RBM23: variants seen among roughly 807,000 people sequenced by gnomAD.
The protein encoded by RBM23 is RNA binding motif protein 23.
In RBM23, 53 loss-of-function variants were observed where a neutral mutation model predicts 56.2. That is an observed-to-expected ratio of 0.94 (90% CI 0.76 to 1.19). The LOEUF is 1.19. Among genes scored for constraint, RBM23 ranks in the 50% most tolerant of loss-of-function variants. The pLI is 0.00. For missense variants in RBM23, 642 were observed against 590.3 expected (o/e 1.09, Z -0.91); for synonymous variants, 197 against 198.5 (o/e 0.99, Z 0.06).
At chr14:22,905,728 G>A (rs2041420776) in intron 5 of RBM23, 69 bp from the exon 6 acceptor site, 4 of 1,192,532 alleles carry the variant, frequency 3.4e-6, no homozygotes, top group Admixed American at 3.8e-5. Context: ...CTTCCATGGT[G>A]AGAAAACCAG....
intron 1 of RBM23, 171 bp downstream of exon 1, chr14:22,918,827 TA>T (rs2139189000): frequency 6.6e-6 from 1 of 152,330 alleles, no homozygotes; most frequent in African/African-American, 2.4e-5. Flanking sequence ...GGGCTACATT[TA>T]AGTAGCTAAC....
intron 2 of RBM23, among the ~76,000 whole-genome samples, chr14:22,910,450 C>CAAAAAAAAAA (rs546748436): frequency 1.4e-5 from 1 of 71,154 alleles, no homozygotes; most frequent in Non-Finnish European, 2.4e-5. Context: ...AACTTCATCT[C>CAAAAAAAAAA]AAAAAAAAAA....
chr14:22,902,796 CCACTCTGT>C (rs1230961302), intron 10 of RBM23: 110 of 954,426 alleles, frequency 1.2e-4, no homozygotes, highest in African/African-American at 3.0e-4. Context: ...AGACGGAGTC[CCACTCTGT>C]CACTCTGTCA....
chr14:22,913,518 G>A (rs1040565837), intron 1 of RBM23, among the ~76,000 whole-genome samples: 1 of 150,830 alleles, frequency 6.6e-6, no homozygotes, highest in Non-Finnish European at 1.5e-5. Context: ...TCCCAGCACC[G>A]TGGGAGGCCA....
rs567612657 is a variant in RBM23 at position 22,918,440 on chromosome 14, C to T, written c.-11+559G>A. On this transcript the variant is annotated intron_variant, in intron 1 of 13. Coordinates refer to ENST00000359890, the MANE Select transcript of RBM23 (RefSeq NM_001077351.2). ...CCTATAGGCAACCAACTGGCACAATCTCTGCGGGAGCCAGTGTCCCAGGGC... is the reference window on the plus strand; with the variant it reads ...CCTATAGGCAACCAACTGGCACAATTTCTGCGGGAGCCAGTGTCCCAGGGC... Among the ~76,000 whole-genome samples the T allele has an allele frequency of 3.0e-3, 455 of 152,046 alleles. 1 individual carries two copies. The highest frequency in any genetic ancestry group is 6.8e-3 in the Middle Eastern group (2 of 294).
chr14:22,906,128 T>A, intron 5 of RBM23, 67 bp downstream of exon 5: 1 of 1,556,660 alleles, frequency 6.4e-7, no homozygotes, highest in Middle Eastern at 1.7e-4. Flanking sequence ...CAAGCAGGGT[T>A]CATAGTGCAT....
Position 22,901,595 on chromosome 14 carries a change from C to T in RBM23, c.*135G>A. On this transcript the variant is annotated 3_prime_UTR_variant, in exon 14 of 14. Transcript: ENST00000359890. ...CTTTTCTTGGTATCTTAAGGGTGGC[C>T]CCAATTTCCTCAGAGACAATGTCCA... is the stretch of plus-strand genomic sequence containing the variant. 7.5e-7 allele frequency: 1 copy of T among 1,333,220 alleles called. No homozygotes were observed. The highest frequency in any genetic ancestry group is 1.3e-5 in the South Asian group (1 of 77,594). 82.6% of individuals were successfully genotyped at this position (1,333,220 alleles called of 1,614,324 possible). A position where few individuals can be genotyped will look rare whatever the true frequency, so the allele number is the denominator to read the frequency against.
chr14:22,918,281 G>C (rs1305876380), intron 1 of RBM23, among the ~76,000 whole-genome samples: 1 of 152,150 alleles, frequency 6.6e-6, no homozygotes, highest in East Asian at 1.9e-4. Flanking sequence ...TGTAATCCCA[G>C]CTACTCGGGA....
In RBM23 at chr14:22,904,993, G is replaced by T. The variant is rs1351959944; in HGVS notation, c.746C>A (p.Ala249Glu). The change falls in exon 9 of 14, where the codon GCA becomes GAA. Residue 249 changes from alanine (A) to glutamate (E), a missense_variant. By Grantham distance (107) the Ala-to-Glu change is moderately radical. Coordinates refer to ENST00000359890, the MANE Select transcript of RBM23 (RefSeq NM_001077351.2). ...CTTTTGCAGGTTGTTGGCCATGGCT[G>T]CCAGTCGGTTTTTCTCTGCCTGGGG... is the stretch of plus-strand genomic sequence containing the variant. ...QASQAEKNRL[A>E]AMANNLQKGN... The T allele has an allele frequency of 1.9e-6, 3 of 1,614,214 alleles. No individual in the cohort carries two copies. The highest frequency in any genetic ancestry group is 2.5e-6 in the Non-Finnish European group (3 of 1,180,042).
intron 2 of RBM23, among the ~76,000 whole-genome samples, chr14:22,910,177 A>AAAAAAAAAC (rs1262580822): frequency 8.2e-6 from 1 of 121,442 alleles, no homozygotes; most frequent in African/African-American, 3.0e-5. Context: ...AAAAAAAAAA[A>AAAAAAAAAC]GAGGCTGGGC....
rs1555336814 is a variant in RBM23 at position 22,902,756 on chromosome 14, C to CCTTTTTTTTTT, written c.931-375_931-374insAAAAAAAAAAG. 27 of 432,480 alleles carry CCTTTTTTTTTT rather than the reference C, an allele frequency of 6.2e-5. 11 individuals are homozygous for CCTTTTTTTTTT. Among genetic ancestry groups the CCTTTTTTTTTT allele is most frequent in the African/African-American group, 1.9e-4 (6 of 31,410 alleles). 26.8% of individuals were successfully genotyped at this position (432,480 alleles called of 1,614,324 possible). ...GTTCTCTATCCTAGTAAGTTTTAGT[C>CCTTTTTTTTTT]TTTTTTTTTTTTTTTTTTTTTTTTT... On this transcript the variant is annotated intron_variant, in intron 10 of 13. Transcript: ENST00000359890.
chr14:22,898,229 T>C lies in RBM23; in HGVS notation c.*3501A>G, dbSNP rs2040279446. 1 of 152,252 alleles carries C rather than the reference T, an allele frequency of 6.6e-6. No homozygotes were observed. Among genetic ancestry groups the C allele is most frequent in the African/African-American group, 2.4e-5 (1 of 41,452 alleles). 9.4% of individuals were successfully genotyped at this position (152,252 alleles called of 1,614,324 possible). ...TGGGAGTCTGAGGAAGCAGGCAGAA[T>C]TCCTGTGTCAAGAGCACAGCAGTTT... On this transcript the variant is annotated 3_prime_UTR_variant, in exon 14 of 14. Coordinates refer to ENST00000359890, the MANE Select transcript of RBM23 (RefSeq NM_001077351.2).
At chr14:22,912,021 G>A (rs1286962657) in intron 1 of RBM23, 1 of 152,216 alleles carries the variant, frequency 6.6e-6, no homozygotes. Flanking sequence ...CACTGATCCT[G>A]TTCTATGAAG....
chr14:22,917,551 TTTTTC>T (rs1409425161), intron 1 of RBM23: 1 of 104,392 alleles, frequency 9.6e-6, no homozygotes, highest in African/African-American at 2.9e-5. Context: ...GGCTGGTAGT[TTTTTC>T]TTTTTTCTTC....
intron 10 of RBM23, chr14:22,902,624 A>C: frequency 2.4e-6 from 3 of 1,226,510 alleles, no homozygotes; most frequent in African/African-American, 1.5e-5. Context: ...GAATCTAACA[A>C]TGCAAAATTT....
chr14:22,903,476 G>T, intron 10 of RBM23: 1 of 985,664 alleles, frequency 1.0e-6, no homozygotes, highest in South Asian at 4.7e-5. Context: ...AGCATTACCT[G>T]CCTTAGGGCC....
Position 22,905,649 on chromosome 14 carries a change from C to T in RBM23, c.412G>A (p.Gly138Arg). The T allele has an allele frequency of 6.2e-7, 1 of 1,608,200 alleles. No individual in the cohort carries two copies. Among genetic ancestry groups the T allele is most frequent in the South Asian group, 1.1e-5 (1 of 90,916 alleles). The change falls in exon 6 of 14, where the codon GGA becomes AGA. Residue 138 changes from glycine to arginine, a missense_variant. By Grantham distance (125) the Gly-to-Arg change is moderately radical (BLOSUM62 -2). Transcript: ENST00000359890. ...SPPLATGYRY[G>R]HSKSPHFREK... ...CTGAAATGAGGACTCTTACTGTGTC[C>T]ATACCTATAACTAAAGAATAGAGAA...
At position 22,897,700 on chromosome 14, in the gene RBM23, G is replaced by A. The variant is rs570128169; in HGVS notation, c.*4030C>T. 5.3e-5 allele frequency: 8 copies of A among 152,340 alleles called. No homozygotes were observed. The East Asian group carries it at 1.5e-3, about 29-fold the overall frequency. The allele number at this position is 152,340 out of a possible 1,614,324, so 9.4% of individuals were successfully genotyped here. On this transcript the variant is annotated 3_prime_UTR_variant, in exon 14 of 14. Coordinates refer to ENST00000359890, the MANE Select transcript of RBM23 (RefSeq NM_001077351.2). ...CTATGGGTACAGGGATAGGAAAAGT[G>A]ACACTTCCTCACTGACTCCAAGGCC...
rs546748436 is a variant in RBM23, at chr14:22,910,450, C to CAA, written c.67-857_67-856dup. 3.0e-3 allele frequency among the ~76,000 whole-genome samples: 211 copies of CAA among 71,068 alleles called. 4 individuals carry two copies. Among genetic ancestry groups the CAA allele is most frequent in the African/African-American group, 7.9e-3 (123 of 15,582 alleles). The allele number at this position is 71,068 out of a possible 152,430, so 46.6% of individuals were successfully genotyped here. ...CTGGGCAATGAGTGAAACTTCATCTCAAAAAAAAAAAAAAAAAAAAAAAAA... is the reference window on the plus strand; with the variant it reads ...CTGGGCAATGAGTGAAACTTCATCTCAAAAAAAAAAAAAAAAAAAAAAAAAAA... On this transcript the variant is annotated intron_variant, in intron 2 of 13. Coordinates refer to ENST00000359890, the MANE Select transcript of RBM23 (RefSeq NM_001077351.2).
Sources: gnomAD v4.1 joint callset for allele counts (sites outside exome capture counted in the v4.1 genomes callset) on GRCh38, gnomAD v4.1.1 for gene constraint, MANE v1.5 for transcripts, NCBI Gene and HGNC (gene_info 2026-07-23, HGNC 2026-07-21) for gene names.